FLI1: variants seen among roughly 807,000 people sequenced by gnomAD.
The protein encoded by FLI1 is Fli-1 proto-oncogene, ETS transcription factor, also known as Friend leukemia integration 1 transcription factor.
FLI1 carries 13 observed loss-of-function variants against 53.1 expected under a neutral mutation model. The observed-to-expected ratio is 0.24, with a 90% CI of 0.16 to 0.39. The LOEUF is 0.39. FLI1 is among the 10% of genes least tolerant of loss of function. The probability of loss-of-function intolerance (pLI) is 1.00; values close to 1 mark genes in which losing one functional copy is unlikely to be tolerated. For synonymous variants in FLI1, 244 were observed against 236.7 expected (o/e 1.03, Z -0.28); for missense variants, 424 against 600.5 (o/e 0.71, Z 3.07).
At chr11:128,748,452 T>C (rs1009996372) in intron 1 of FLI1, among the ~76,000 whole-genome samples, 13 of 152,036 alleles carry the variant, frequency 8.6e-5, no homozygotes, top group African/African-American at 2.4e-4. Context: ...GAGACCAGCC[T>C]GACCAACATG....
At chr11:128,773,703 AG>A (rs1382969513) in intron 4 of FLI1, among the ~76,000 whole-genome samples, 17 of 151,530 alleles carry the variant, frequency 1.1e-4, no homozygotes, top group Admixed American at 8.6e-4. Flanking sequence ...ACAGAGCAGA[AG>A]AATGGAATTA....
chr11:128,686,958 G>A (rs1865815114), intron 1 of FLI1: 2 of 160,750 alleles, frequency 1.2e-5, no homozygotes, highest in African/African-American at 4.8e-5. Flanking sequence ...GGCGAAGCCT[G>A]TGCAGGAAGA....
At chr11:128,768,690 A>C (rs1376172153) in intron 3 of FLI1, among the ~76,000 whole-genome samples, 1 of 9,946 alleles carries the variant, frequency 1.0e-4, no homozygotes, top group Non-Finnish European at 3.2e-4. Context: ...CTCTGTCTCA[A>C]AAAAAAAAAA....
At chr11:128,772,077 CAT>C (rs1259139191) in intron 3 of FLI1, among the ~76,000 whole-genome samples, 23 of 106,604 alleles carry the variant, frequency 2.2e-4, no homozygotes, top group East Asian at 8.0e-4. Context: ...CACACACACA[CAT>C]ACACACACTG....
At chr11:128,788,155 T>C (rs1003556861) in intron 5 of FLI1, among the ~76,000 whole-genome samples, 2 of 152,048 alleles carry the variant, frequency 1.3e-5, no homozygotes, top group African/African-American at 4.8e-5. Flanking sequence ...ATACTATACA[T>C]AGATAGCCAA....
At chr11:128,783,026 G>T (rs183701571) in intron 5 of FLI1, among the ~76,000 whole-genome samples, 3 of 152,314 alleles carry the variant, frequency 2.0e-5, no homozygotes, top group Admixed American at 2.0e-4. Flanking sequence ...TTCCACAGAG[G>T]AGGGGACTTT....
chr11:128,792,322 A>G (rs987516737), intron 5 of FLI1, among the ~76,000 whole-genome samples: 33 of 152,108 alleles, frequency 2.2e-4, no homozygotes, highest in African/African-American at 8.0e-4. Context: ...GCTAAGATAT[A>G]TTCATCTATT....
intron 4 of FLI1, among the ~76,000 whole-genome samples, chr11:128,780,036 G>A (rs1400398257): frequency 6.6e-6 from 1 of 152,158 alleles, no homozygotes; most frequent in East Asian, 1.9e-4. Flanking sequence ...CGTATATGTG[G>A]TCCATCTTTG....
chr11:128,799,651 G>C (rs1233502169), intron 5 of FLI1, among the ~76,000 whole-genome samples: 1 of 152,146 alleles, frequency 6.6e-6, no homozygotes, highest in Non-Finnish European at 1.5e-5. Flanking sequence ...GGATACCTTC[G>C]TGATGACATC....
At chr11:128,739,120 T>C (rs1459410463) in intron 1 of FLI1, among the ~76,000 whole-genome samples, 1 of 152,142 alleles carries the variant, frequency 6.6e-6, no homozygotes, top group Non-Finnish European at 1.5e-5. Flanking sequence ...CTCTGGAGGC[T>C]TCAAAGGCTG....
At chr11:128,740,431 C>A (rs1394477483) in intron 1 of FLI1, among the ~76,000 whole-genome samples, 1 of 152,334 alleles carries the variant, frequency 6.6e-6, no homozygotes, top group Admixed American at 6.5e-5. Context: ...ACTGTTGGCT[C>A]GCCAAAGAAC....
intron 1 of FLI1, among the ~76,000 whole-genome samples, chr11:128,750,623 C>T (rs1940602653): frequency 6.6e-6 from 1 of 152,198 alleles, no homozygotes; most frequent in Admixed American, 6.5e-5. Flanking sequence ...TTTTCCATCT[C>T]GGCCTTAGCT....
Position 128,764,879 on chromosome 11 carries a change from G to A in FLI1, c.231-3239G>A, listed in dbSNP as rs547473441. The A allele has an allele frequency of 5.7e-5, 89 of 1,553,894 alleles. No individual in the cohort carries two copies. The African/African-American group carries it at 1.1e-3, about 19-fold the overall frequency. On this transcript the variant is annotated intron_variant, in intron 2 of 8. Coordinates refer to ENST00000527786, the MANE Select transcript of FLI1 (RefSeq NM_002017.5). ...TGGGAGGAGGGCCAGCTGGGCAAGT[G>A]TGGGGAACCAGGATGGTGCCAGCCC...
chr11:128,714,052 A>G (rs1054443987), intron 1 of FLI1, among the ~76,000 whole-genome samples: 1 of 152,212 alleles, frequency 6.6e-6, no homozygotes, highest in African/African-American at 2.4e-5. Flanking sequence ...TACTGAGTGC[A>G]TAGAGTACAT....
chr11:128,805,736 T>C (rs1942764614), intron 6 of FLI1: 1 of 285,678 alleles, frequency 3.5e-6, no homozygotes, highest in Admixed American at 5.3e-5. Context: ...GTTTTGCTTT[T>C]GTTATTTAAA....
At chr11:128,769,930 C>A (rs765877862) in intron 3 of FLI1, among the ~76,000 whole-genome samples, 1 of 152,186 alleles carries the variant, frequency 6.6e-6, no homozygotes, top group Non-Finnish European at 1.5e-5. Flanking sequence ...CAGCCCAAAG[C>A]AAAGCTGAGC....
At chr11:128,686,852 T>C (rs1865813264) in intron 1 of FLI1, 1 of 212,640 alleles carries the variant, frequency 4.7e-6, no homozygotes, top group African/African-American at 2.3e-5. Flanking sequence ...AGGGCGCTCC[T>C]GGCCAGATGA....
At chr11:128,747,665 C>T (rs1334684692) in intron 1 of FLI1, among the ~76,000 whole-genome samples, 1 of 152,212 alleles carries the variant, frequency 6.6e-6, no homozygotes, top group African/African-American at 2.4e-5. Flanking sequence ...ATGGTCAGGC[C>T]ACCCCCTACT....
At chr11:128,712,150 G>A (rs778746946) in intron 1 of FLI1, among the ~76,000 whole-genome samples, 44 of 152,322 alleles carry the variant, frequency 2.9e-4, no homozygotes, top group African/African-American at 7.7e-4. Context: ...ATCTCTGGGC[G>A]AGAAGTGAGT....
Sources: gnomAD v4.1 joint callset for allele counts (sites outside exome capture counted in the v4.1 genomes callset) on GRCh38, gnomAD v4.1.1 for gene constraint, MANE v1.5 for transcripts, NCBI Gene and HGNC (gene_info 2026-07-23, HGNC 2026-07-21) for gene names.